SLC37A3: variants seen among roughly 807,000 people sequenced by gnomAD.
The protein encoded by SLC37A3 is solute carrier family 37 member 3.
Under a neutral mutation model 67.1 loss-of-function variants are expected in SLC37A3, and 51 were observed. That is an observed-to-expected ratio of 0.76 (90% CI 0.61 to 0.96). The LOEUF (loss-of-function observed/expected upper bound fraction) is 0.96. Ranked by LOEUF, SLC37A3 falls within the 40% of genes least tolerant of loss-of-function variation. The pLI, the probability that SLC37A3 is intolerant of heterozygous loss-of-function variation, is 0.00. For missense variants in SLC37A3, 508 were observed against 603.0 expected (o/e 0.84, Z 1.65); for synonymous variants, 214 against 231.4 (o/e 0.92, Z 0.68).
chr7:140,356,865 C>T (rs1330246510), intron 6 of SLC37A3, among the ~76,000 whole-genome samples: 1 of 152,132 alleles, frequency 6.6e-6, no homozygotes, highest in Non-Finnish European at 1.5e-5. Flanking sequence ...TTATGCTCTG[C>T]TGATGGGAAT....
At chr7:140,354,734 T>G (rs1161412006) in intron 7 of SLC37A3, among the ~76,000 whole-genome samples, 1 of 149,132 alleles carries the variant, frequency 6.7e-6, no homozygotes, top group Non-Finnish European at 1.5e-5. Context: ...GTCTTTGCTT[T>G]TTGGTGTTTT....
In SLC37A3 at chr7:140,365,016, A is replaced by G. The variant is rs182447081; in HGVS notation, c.292-525T>C. On this transcript the variant is annotated intron_variant, in intron 4 of 14. Transcript: ENST00000326232. ...TCCAACCTTGTAAAAAGTGGAATAG[A>G]AGGTTCCAGGGCACACTAGCTGCCT... Among the ~76,000 whole-genome samples, 114 of 152,298 alleles carry G rather than the reference A, an allele frequency of 7.5e-4. 1 individual carries two copies. The highest frequency in any genetic ancestry group is 2.6e-3 in the African/African-American group (110 of 41,580).
At position 140,348,675 on chromosome 7, in the gene SLC37A3, C is replaced by T. The variant is rs1796675013; in HGVS notation, c.975G>A (p.Glu325=). The part of the protein sequence containing the change: ...FYLSNNFGWK[E]AEADKLSIWY... ...AAATGGACAGCTTGTCGGCTTCCGCCTCCTTCCAGCCGAAGTTGTTACTCA... is the reference window on the plus strand; with the variant it reads ...AAATGGACAGCTTGTCGGCTTCCGCTTCCTTCCAGCCGAAGTTGTTACTCA... The change falls in exon 10 of 15, where the codon GAG becomes GAA. Residue 325 remains glutamate, a synonymous_variant. Transcript: ENST00000326232. 6.2e-7 allele frequency: 1 copy of T among 1,614,038 alleles called. No homozygotes were observed. Among genetic ancestry groups the T allele is most frequent in the African/African-American group, 1.3e-5 (1 of 74,936 alleles).
At chr7:140,398,349 A>G (rs1563062227) in intron 1 of SLC37A3, 67 bp downstream of exon 1, 1 of 152,166 alleles carries the variant, frequency 6.6e-6, no homozygotes, top group Non-Finnish European at 1.5e-5. Context: ...CGACCCGGGA[A>G]GCCCCTCGGA....
Position 140,343,561 on chromosome 7 carries a change from A to T in SLC37A3, c.1177T>A (p.Phe393Ile), listed in dbSNP as rs1355393768. 5 of 1,614,176 alleles carry T rather than the reference A, an allele frequency of 3.1e-6. No individual in the cohort carries two copies. Among genetic ancestry groups the T allele is most frequent in the Non-Finnish European group, 4.2e-6 (5 of 1,180,024 alleles). ...INALLMTVTG[F>I]FIGGPSNMIS... ...ATATTAGAAGGTCCACCAATAAAAA[A>T]TCCTGAAGTCATAAACAGGTTCTTA... Residue 393 changes from phenylalanine (F) to isoleucine (I), a missense_variant and splice_region_variant, in exon 13 of 15, where the codon TTT becomes ATT. Phe to Ile is a conservative substitution (Grantham distance 21, BLOSUM62 0). Transcript: ENST00000326232.
intron 3 of SLC37A3, among the ~76,000 whole-genome samples, chr7:140,378,610 G>A (rs1290314406): frequency 2.6e-5 from 4 of 151,820 alleles, no homozygotes; most frequent in African/African-American, 9.7e-5. Flanking sequence ...GGTGGCATGC[G>A]CCTGTAGTCC....
chr7:140,365,582 A>G (rs1388856954), intron 4 of SLC37A3, among the ~76,000 whole-genome samples: 3 of 152,164 alleles, frequency 2.0e-5, no homozygotes, highest in Non-Finnish European at 2.9e-5. Flanking sequence ...TTAGCCAGGC[A>G]TGGTGGCTTG....
chr7:140,345,174 C>T lies in SLC37A3; in HGVS notation c.1174+42G>A, dbSNP rs1796504041. The T allele has an allele frequency of 1.9e-6, 3 of 1,565,694 alleles. No homozygotes were observed. The East Asian group carries it at 6.8e-5, about 35-fold the overall frequency. On this transcript the variant is annotated intron_variant, in intron 12 of 14. Coordinates refer to ENST00000326232, the MANE Select transcript of SLC37A3 (RefSeq NM_207113.3). ...CAGTTTCCCTTTTCCTCTGAATTTA[C>T]AGAGCAACAGAAGCATGGTGGAGCA...
Position 140,382,490 on chromosome 7 carries a change from G to A in SLC37A3, c.37C>T (p.Leu13=), listed in dbSNP as rs1345667297. 2 of 1,614,026 alleles carry A rather than the reference G, an allele frequency of 1.2e-6. No individual in the cohort carries two copies. The highest frequency in any genetic ancestry group is 1.3e-5 in the African/African-American group (1 of 74,944). The change falls in exon 2 of 15, where the codon CTG becomes TTG. Residue 13 remains leucine, a synonymous_variant. Transcript: ENST00000326232. ...ACATGATGATGGCTGAACTGGGACAGCAGAGACCCTCTTTGAAAAACATTT... is the reference window on the plus strand; with the variant it reads ...ACATGATGATGGCTGAACTGGGACAACAGAGACCCTCTTTGAAAAACATTT... ...WPNVFQRGSL[L]SQFSHHHVVV...
At chr7:140,388,029 T>C (rs183098228) in intron 1 of SLC37A3, among the ~76,000 whole-genome samples, 16 of 145,194 alleles carry the variant, frequency 1.1e-4, no homozygotes, top group South Asian at 2.2e-4. Flanking sequence ...TATTGTACAA[T>C]AGATCTCTTC....
At chr7:140,362,417 G>GT (rs1245214398) in intron 5 of SLC37A3, among the ~76,000 whole-genome samples, 1 of 66,092 alleles carries the variant, frequency 1.5e-5, no homozygotes, top group Non-Finnish European at 3.5e-5. Context: ...CGGGAGGGAG[G>GT]TGGGGGGGGG....
At chr7:140,358,541 G>T in intron 6 of SLC37A3, 99 bp downstream of exon 6, 2 of 1,470,442 alleles carry the variant, frequency 1.4e-6, no homozygotes, top group Non-Finnish European at 1.9e-6. Context: ...AGATGTGGGT[G>T]GTATCTAAGG....
At position 140,335,222 on chromosome 7, in the gene SLC37A3, A is replaced by G; in HGVS notation, c.*190T>C. On this transcript the variant is annotated 3_prime_UTR_variant, in exon 15 of 15. Transcript: ENST00000326232. ...ACAACAGCAAAAATCATCAACAGTA[A>G]TTCCTGTAGTGTAGAAAACTAGTGC... 6.2e-7 allele frequency: 1 copy of G among 1,602,814 alleles called. No individual in the cohort carries two copies. The highest frequency in any genetic ancestry group is 8.5e-7 in the Non-Finnish European group (1 of 1,172,108).
At chr7:140,345,537 T>A (rs1179432854) in intron 11 of SLC37A3, among the ~76,000 whole-genome samples, 1 of 152,214 alleles carries the variant, frequency 6.6e-6, no homozygotes, top group Non-Finnish European at 1.5e-5. Context: ...CTAATTACCA[T>A]CTTTCCGCTT....
intron 1 of SLC37A3, 41 bp from the exon 2 acceptor site, chr7:140,382,637 G>A: frequency 4.5e-6 from 4 of 883,942 alleles, no homozygotes; most frequent in Non-Finnish European, 7.0e-6. Context: ...TTAAACATAG[G>A]CAGAGTATCC....
chr7:140,341,522 T>C (rs1309301315), intron 13 of SLC37A3, among the ~76,000 whole-genome samples: 1 of 152,146 alleles, frequency 6.6e-6, no homozygotes, highest in Non-Finnish European at 1.5e-5. Flanking sequence ...ATTAGTACAC[T>C]GGCTAAGGAC....
chr7:140,342,644 G>A lies in SLC37A3; in HGVS notation c.1326+768C>T, dbSNP rs533262935. Among the ~76,000 whole-genome samples, 6 of 150,162 alleles carry A rather than the reference G, an allele frequency of 4.0e-5. No homozygotes were observed. In the South Asian group the frequency reaches 1.0e-3, roughly 26 times the overall value. ...CATGACTCATGACTCTGCCAGAAAA[G>A]AAATATCTGTCCCAGAGAAAGTTGA... is the stretch of plus-strand genomic sequence containing the variant. On this transcript the variant is annotated intron_variant, in intron 13 of 14. Transcript: ENST00000326232.
intron 1 of SLC37A3, among the ~76,000 whole-genome samples, chr7:140,395,957 AT>A (rs79667126): frequency 0.11 from 16,213 of 151,960 alleles, 1,350 homozygotes; most frequent in South Asian, 0.24. Flanking sequence ...TGAGTTCACC[AT>A]TTTTACAGTA....
rs377692283 is a variant in SLC37A3, at chr7:140,377,210, G to GT, written c.198+3071dup. On this transcript the variant is annotated intron_variant, in intron 3 of 14. Coordinates refer to ENST00000326232, the MANE Select transcript of SLC37A3 (RefSeq NM_207113.3). ...TATGCCCGCCTCGGCCTCCCAAAGT[G>GT]TTTTTTTTTTTGTTTTGTTTTTGTT... 1.9e-3 allele frequency among the ~76,000 whole-genome samples: 268 copies of GT among 142,954 alleles called. 1 individual carries two copies. The highest frequency in any genetic ancestry group is 4.7e-3 in the African/African-American group (182 of 39,108). The allele number at this position is 142,954 out of a possible 152,430, so 93.8% of individuals were successfully genotyped here.
Sources: allele counts gnomAD v4.1 joint callset (sites outside exome capture counted in the v4.1 genomes callset), GRCh38; gene constraint gnomAD v4.1.1; transcripts MANE v1.5; gene names NCBI Gene and HGNC (gene_info 2026-07-23, HGNC 2026-07-21).